The following JMY variants were observed in gnomAD, a reference collection of about 807,000 sequenced individuals.
JMY encodes junction mediating and regulatory protein, p53 cofactor, also known as junction-mediating and -regulatory protein.
Under a neutral mutation model 103.3 loss-of-function variants are expected in JMY, and 46 were observed. The ratio of observed to expected loss-of-function variants is 0.45; its 90% CI spans 0.35 to 0.57. JMY has a LOEUF of 0.57. Among genes scored for constraint, JMY ranks in the 20% least tolerant of loss-of-function variants. JMY has a pLI of 0.00. For synonymous variants in JMY, 526 were observed against 489.3 expected, an observed-to-expected ratio of 1.07 and a Z score of -0.99; for missense variants, 1,238 against 1,255.2, an observed-to-expected ratio of 0.99 and a Z score of 0.21.
intron 1 of JMY, among the ~76,000 whole-genome samples, chr5:79,266,187 C>T (rs1373583471): frequency 6.6e-6 from 1 of 152,114 alleles, no homozygotes; most frequent in Non-Finnish European, 1.5e-5. Flanking sequence ...CAGAGGCGTT[C>T]AGTTTTAAAT....
intron 1 of JMY, among the ~76,000 whole-genome samples, chr5:79,255,886 C>G (rs1454693863): frequency 2.0e-5 from 3 of 152,240 alleles, no homozygotes; most frequent in Non-Finnish European, 4.4e-5. Context: ...AGACCTGAAG[C>G]CAGCACAGCA....
intron 2 of JMY, among the ~76,000 whole-genome samples, chr5:79,286,827 A>C (rs1746284441): frequency 6.6e-6 from 1 of 152,196 alleles, no homozygotes. Context: ...CAACAGAGAG[A>C]ATCTAATATA....
At chr5:79,281,080 T>C (rs1746092682) in intron 2 of JMY, among the ~76,000 whole-genome samples, 1 of 151,930 alleles carries the variant, frequency 6.6e-6, no homozygotes, top group Admixed American at 6.5e-5. Context: ...AGTCTCGCTC[T>C]GTTGCCCAGG....
In JMY at chr5:79,325,352, GTTAC is replaced by G. The variant is rs1747601327; in HGVS notation, c.*3753_*3756del. ...GTTGAAATTTCATACGCTTTACCAG[GTTAC>G]TTGTAAAAAATGAACAGCTGTAAGA... On this transcript the variant is annotated 3_prime_UTR_variant, in exon 11 of 11. Transcript: ENST00000396137. 1 of 152,044 alleles carries G rather than the reference GTTAC, an allele frequency of 6.6e-6. No individual in the cohort carries two copies. Among genetic ancestry groups the G allele is most frequent in the Non-Finnish European group, 1.5e-5 (1 of 67,986 alleles). The allele number at this position is 152,044 out of a possible 1,614,324, so 9.4% of individuals were successfully genotyped here.
At chr5:79,284,780 T>C in intron 2 of JMY, 1 of 1,576,460 alleles carries the variant, frequency 6.3e-7, no homozygotes, top group South Asian at 1.1e-5. Context: ...GTGATGAGCA[T>C]CTTTCCAATA....
intron 2 of JMY, among the ~76,000 whole-genome samples, chr5:79,283,142 G>GC (rs2112090721): frequency 6.6e-6 from 1 of 152,092 alleles, no homozygotes; most frequent in East Asian, 1.9e-4. Flanking sequence ...ACAGGCATGT[G>GC]CCGCAATGCC....
At chr5:79,303,697 A>G (rs544027049) in intron 6 of JMY, among the ~76,000 whole-genome samples, 3 of 152,306 alleles carry the variant, frequency 2.0e-5, no homozygotes, top group Admixed American at 6.5e-5. Flanking sequence ...TCGAAGTCAT[A>G]GAAGTGAAGA....
chr5:79,271,556 A>G (rs140332837), intron 1 of JMY, among the ~76,000 whole-genome samples: 6 of 152,268 alleles, frequency 3.9e-5, no homozygotes, highest in East Asian at 3.9e-4. Context: ...AATCACTTGC[A>G]TGGATATAGG....
rs375777847 is a variant in JMY, at chr5:79,255,344, G to T, written c.1032+17662G>T. Among the ~76,000 whole-genome samples, 9 of 152,200 alleles carry T rather than the reference G, an allele frequency of 5.9e-5. No homozygotes were observed. The South Asian group carries it at 1.9e-3, about 32-fold the overall frequency. On this transcript the variant is annotated intron_variant, in intron 1 of 10. Coordinates refer to ENST00000396137, the MANE Select transcript of JMY (RefSeq NM_152405.5). Reference sequence around the variant, plus strand: ...ACTCCTGACCTCAATTGATCTGCTTGCCTCGGCCTCCCAAAGTTCTGGTAT... The same window carrying T: ...ACTCCTGACCTCAATTGATCTGCTTTCCTCGGCCTCCCAAAGTTCTGGTAT...
chr5:79,265,780 C>CTT (rs34354467), intron 1 of JMY, among the ~76,000 whole-genome samples: 1,218 of 116,192 alleles, frequency 0.01, 26 homozygotes, highest in African/African-American at 0.036. Context: ...TGTGATGATT[C>CTT]TTTTTTTTTT....
At chr5:79,306,909 C>T (rs1393270473) in intron 7 of JMY, among the ~76,000 whole-genome samples, 1 of 152,120 alleles carries the variant, frequency 6.6e-6, no homozygotes. Flanking sequence ...TCCCTTTGTT[C>T]CGCTACTCAT....
chr5:79,314,017 C>A (rs1046808387), intron 8 of JMY, among the ~76,000 whole-genome samples: 1 of 152,198 alleles, frequency 6.6e-6, no homozygotes, highest in Non-Finnish European at 1.5e-5. Flanking sequence ...TGCCACCACA[C>A]CCAGCTAATT....
intron 8 of JMY, 63 bp downstream of exon 8, chr5:79,312,561 A>G: frequency 1.3e-6 from 1 of 798,394 alleles, no homozygotes; most frequent in Non-Finnish European, 1.9e-6. Flanking sequence ...AGAGCTACAT[A>G]TACACCTGTA....
chr5:79,279,558 C>G (rs537782143), intron 2 of JMY, among the ~76,000 whole-genome samples: 1 of 151,968 alleles, frequency 6.6e-6, no homozygotes, highest in Admixed American at 6.6e-5. Flanking sequence ...ACTTTGAGAA[C>G]CTTATGCGTG....
chr5:79,284,269 T>G (rs1018898771), intron 2 of JMY: 7 of 1,493,106 alleles, frequency 4.7e-6, no homozygotes, highest in Non-Finnish European at 6.5e-6. Context: ...AACTTGGGCT[T>G]CTTCAGCATT....
In JMY at chr5:79,237,324, A is replaced by C; in HGVS notation, c.674A>C (p.Glu225Ala). The C allele has an allele frequency of 6.3e-7, 1 of 1,585,614 alleles. No individual in the cohort carries two copies. The highest frequency in any genetic ancestry group is 8.6e-7 in the Non-Finnish European group (1 of 1,166,812). Residue 225 changes from glutamate (E) to alanine (A), a missense_variant, in exon 1 of 11, where the codon GAA becomes GCA. Glu to Ala is a moderately radical substitution (Grantham distance 107). Coordinates refer to ENST00000396137, the MANE Select transcript of JMY (RefSeq NM_152405.5). ...PPATELESPA[E>A]ECSWAGLFSF... ...GCCACCGAGCTGGAGTCTCCGGCCGAAGAGTGCAGCTGGGCCGGACTGTTT... is the reference window on the plus strand; with the variant it reads ...GCCACCGAGCTGGAGTCTCCGGCCGCAGAGTGCAGCTGGGCCGGACTGTTT...
chr5:79,288,877 C>G (rs1746344260), intron 2 of JMY, among the ~76,000 whole-genome samples: 1 of 151,942 alleles, frequency 6.6e-6, no homozygotes. Flanking sequence ...GCTTATCTTG[C>G]CCTTTGATAT....
intron 2 of JMY, 90 bp from the exon 3 acceptor site, chr5:79,290,031 G>A (rs1746376544): frequency 1.2e-6 from 1 of 864,694 alleles, no homozygotes; most frequent in African/African-American, 1.7e-5. Context: ...GGAAGAACAA[G>A]TATTCTTTGT....
At chr5:79,247,485 T>A (rs905150844) in intron 1 of JMY, among the ~76,000 whole-genome samples, 2 of 151,976 alleles carry the variant, frequency 1.3e-5, no homozygotes, top group African/African-American at 4.8e-5. Flanking sequence ...ATTTTTTGTA[T>A]TTTTTAGTTG....
Sources: allele counts gnomAD v4.1 joint callset (sites outside exome capture counted in the v4.1 genomes callset), GRCh38; gene constraint gnomAD v4.1.1; transcripts MANE v1.5; gene names NCBI Gene and HGNC (gene_info 2026-07-23, HGNC 2026-07-21).